The following PIK3CB variants were observed in gnomAD, a reference collection of about 807,000 sequenced individuals.
PIK3CB encodes phosphatidylinositol-4,5-bisphosphate 3-kinase catalytic subunit beta.
In PIK3CB, 39 loss-of-function variants were observed where a neutral mutation model predicts 136.8. The observed-to-expected ratio is 0.29, with a 90% CI of 0.22 to 0.37. The LOEUF (loss-of-function observed/expected upper bound fraction) is 0.37, where lower values mean the gene tolerates loss of function less well. Among genes scored for constraint, PIK3CB ranks in the 10% least tolerant of loss-of-function variants. The probability of loss-of-function intolerance (pLI) is 1.00; values close to 1 mark genes in which losing one functional copy is unlikely to be tolerated. For synonymous variants in PIK3CB, 428 were observed against 436.6 expected, an observed-to-expected ratio of 0.98 and a Z score of 0.25; for missense variants, 868 against 1,275.4, an observed-to-expected ratio of 0.68 and a Z score of 4.87.
intron 6 of PIK3CB, 43 bp downstream of exon 6, chr3:138,737,663 AT>A: frequency 2.6e-6 from 2 of 757,440 alleles, no homozygotes; most frequent in Non-Finnish European, 4.0e-6. Flanking sequence ...ATATATATAT[AT>A]ACTCATAGAC....
intron 1 of PIK3CB, among the ~76,000 whole-genome samples, chr3:138,797,453 C>A (rs1336767631): frequency 6.6e-6 from 1 of 152,140 alleles, no homozygotes; most frequent in African/African-American, 2.4e-5. Context: ...GCCCTGGTCA[C>A]GACCCTAATT....
Position 138,683,669 on chromosome 3 carries a change from A to G in PIK3CB, c.2425+9T>C, listed in dbSNP as rs368666207. The G allele has an allele frequency of 7.7e-7, 1 of 1,306,108 alleles. No homozygotes were observed. The highest frequency in any genetic ancestry group is 1.1e-6 in the Non-Finnish European group (1 of 901,630). 80.9% of individuals were successfully genotyped at this position (1,306,108 alleles called of 1,614,324 possible). ...TAAGAAATTTGATGTTAAAAATCTC[A>G]GTACTTACCATCACCATTTTTAAAA... is the stretch of plus-strand genomic sequence containing the variant. On this transcript the variant is annotated intron_variant, in intron 18 of 23. Transcript: ENST00000674063.
intron 2 of PIK3CB, among the ~76,000 whole-genome samples, chr3:138,793,651 T>C (rs1253771501): frequency 1.3e-5 from 2 of 150,954 alleles, no homozygotes; most frequent in African/African-American, 4.9e-5. Context: ...AATGAGCTGA[T>C]TGTGTTTGAG....
chr3:138,787,922 CT>C (rs35705968), intron 2 of PIK3CB, among the ~76,000 whole-genome samples: 65,356 of 128,910 alleles, frequency 0.51, 16,078 homozygotes, highest in East Asian at 0.93. Flanking sequence ...AACTAGAAGA[CT>C]TTTTTTTTTT....
chr3:138,812,951 G>A (rs1933142755), intron 1 of PIK3CB, among the ~76,000 whole-genome samples: 1 of 152,110 alleles, frequency 6.6e-6, no homozygotes. Context: ...TGTAAAACTG[G>A]TGAAATGTGA....
At chr3:138,669,158 T>G (rs917758576) in intron 19 of PIK3CB, among the ~76,000 whole-genome samples, 5 of 152,152 alleles carry the variant, frequency 3.3e-5, no homozygotes, top group Admixed American at 3.3e-4. Context: ...ACGCCTGTAA[T>G]CCTAGCACTT....
chr3:138,737,949 T>G, intron 5 of PIK3CB, 63 bp from the exon 6 acceptor site: 2 of 960,114 alleles, frequency 2.1e-6, no homozygotes, highest in East Asian at 5.4e-5. Flanking sequence ...AAAAATCACA[T>G]TACAATCATT....
intron 4 of PIK3CB, among the ~76,000 whole-genome samples, chr3:138,752,765 T>C (rs2045496718): frequency 6.6e-6 from 1 of 151,822 alleles, no homozygotes; most frequent in South Asian, 2.1e-4. Context: ...ATTATACCCC[T>C]ATGCTATGGT....
chr3:138,714,806 C>A, intron 8 of PIK3CB, 87 bp from the exon 9 acceptor site: 1 of 1,181,316 alleles, frequency 8.5e-7, no homozygotes, highest in African/African-American at 1.6e-5. Context: ...TTTGTTTCTA[C>A]ACTAAAAACA....
intron 8 of PIK3CB, among the ~76,000 whole-genome samples, chr3:138,729,271 ACT>A (rs2044915489): frequency 6.7e-6 from 1 of 149,870 alleles, no homozygotes. Flanking sequence ...ACAGAGTGAG[ACT>A]CTCTCAGAAA....
intron 2 of PIK3CB, among the ~76,000 whole-genome samples, chr3:138,776,177 G>A (rs867056941): frequency 1.6e-4 from 24 of 151,900 alleles, no homozygotes; most frequent in African/African-American, 4.6e-4. Context: ...CAGCCTGGGC[G>A]ATAAGAGCAA....
chr3:138,740,727 G>A (rs114857215), intron 5 of PIK3CB, among the ~76,000 whole-genome samples: 4,124 of 151,752 alleles, frequency 0.027, 189 homozygotes, highest in African/African-American at 0.094. Context: ...ATCTGGGCTC[G>A]CTGCAAACTC....
chr3:138,751,331 G>A (rs1209586591), intron 4 of PIK3CB, among the ~76,000 whole-genome samples: 2 of 152,048 alleles, frequency 1.3e-5, no homozygotes, highest in Non-Finnish European at 2.9e-5. Context: ...GGTGGCAGGT[G>A]CCTGTAGTCC....
intron 3 of PIK3CB, among the ~76,000 whole-genome samples, chr3:138,756,737 C>T (rs1447380975): frequency 6.6e-6 from 1 of 152,060 alleles, no homozygotes; most frequent in Non-Finnish European, 1.5e-5. Context: ...ATAAAACATA[C>T]AGGAGAAAGT....
At chr3:138,700,853 A>G (rs1033170916) in intron 12 of PIK3CB, among the ~76,000 whole-genome samples, 4 of 152,224 alleles carry the variant, frequency 2.6e-5, no homozygotes, top group African/African-American at 9.6e-5. Context: ...ACACTGATTC[A>G]AGGAAGATGT....
At chr3:138,680,681 TG>T (rs1485381526) in intron 19 of PIK3CB, among the ~76,000 whole-genome samples, 1 of 152,022 alleles carries the variant, frequency 6.6e-6, no homozygotes, top group African/African-American at 2.4e-5. Context: ...GATATCCAGT[TG>T]TTCTTTTTTT....
At chr3:138,795,323 T>TAAAA (rs56912195) in intron 2 of PIK3CB, among the ~76,000 whole-genome samples, 1 of 112,374 alleles carries the variant, frequency 8.9e-6, no homozygotes, top group Non-Finnish European at 1.7e-5. Flanking sequence ...CTCTGTCTTT[T>TAAAA]AAAAAAAAAA....
intron 19 of PIK3CB, among the ~76,000 whole-genome samples, chr3:138,665,761 G>C (rs2043396494): frequency 6.6e-6 from 1 of 152,072 alleles, no homozygotes; most frequent in South Asian, 2.1e-4. Flanking sequence ...TTTGACACAG[G>C]GTTTGGCCAT....
intron 19 of PIK3CB, among the ~76,000 whole-genome samples, chr3:138,672,393 C>T (rs1221645400): frequency 2.0e-5 from 3 of 152,164 alleles, no homozygotes; most frequent in Non-Finnish European, 4.4e-5. Flanking sequence ...TAAAAACTGG[C>T]TGATTGTGTG....
Sources: allele counts gnomAD v4.1 joint callset (sites outside exome capture counted in the v4.1 genomes callset), GRCh38; gene constraint gnomAD v4.1.1; transcripts MANE v1.5; gene names NCBI Gene and HGNC (gene_info 2026-07-23, HGNC 2026-07-21).